SHANK2: variants seen among roughly 807,000 people sequenced by gnomAD.
SHANK2 encodes SH3 and multiple ankyrin repeat domains protein 2.
SHANK2 carries 43 observed loss-of-function variants against 133.7 expected under a neutral mutation model. That is an observed-to-expected ratio of 0.32 (90% CI 0.25 to 0.41). The LOEUF (loss-of-function observed/expected upper bound fraction) is 0.41. Among genes scored for constraint, SHANK2 ranks in the 10% least tolerant of loss-of-function variants. SHANK2 has a pLI of 1.00. For synonymous variants in SHANK2, 1,017 were observed against 952.8 expected (o/e 1.07, Z -1.24); for missense variants, 1,994 against 2,235.8 (o/e 0.89, Z 2.18).
rs7112863 is a variant in SHANK2 at position 70,929,766 on chromosome 11, C to T, written c.1108-33199G>A. Among the ~76,000 whole-genome samples the T allele has an allele frequency of 3.7e-3, 568 of 152,314 alleles. 4 individuals are homozygous for T. Among genetic ancestry groups the T allele is most frequent in the African/African-American group, 0.013 (528 of 41,568 alleles). ...AAGTCCCTTTTGCCATGTAAAGTAACATGTGCACAGGTTTGGGGGATTAGG... is the reference window on the plus strand; with the variant it reads ...AAGTCCCTTTTGCCATGTAAAGTAATATGTGCACAGGTTTGGGGGATTAGG... On this transcript the variant is annotated intron_variant, in intron 10 of 25. Coordinates refer to ENST00000601538, the MANE Select transcript of SHANK2 (RefSeq NM_012309.5).
At chr11:70,630,396 T>G (rs2060968448) in intron 17 of SHANK2, among the ~76,000 whole-genome samples, 1 of 152,096 alleles carries the variant, frequency 6.6e-6, no homozygotes, top group Non-Finnish European at 1.5e-5. Context: ...CAGGAAGAGA[T>G]CTGCGGACAA....
intron 17 of SHANK2, among the ~76,000 whole-genome samples, chr11:70,550,401 G>A (rs1280542185): frequency 2.6e-5 from 4 of 152,174 alleles, no homozygotes; most frequent in Admixed American, 1.3e-4. Flanking sequence ...GTACCCCCAG[G>A]TGGGCTGGGG....
chr11:70,742,594 C>T (rs935307681), intron 14 of SHANK2, among the ~76,000 whole-genome samples: 7 of 152,204 alleles, frequency 4.6e-5, no homozygotes, highest in Non-Finnish European at 5.9e-5. Context: ...ACCCCCCACC[C>T]GGCTCTGCCA....
intron 14 of SHANK2, among the ~76,000 whole-genome samples, chr11:70,768,765 A>G (rs1020546341): frequency 6.6e-6 from 1 of 152,172 alleles, no homozygotes; most frequent in Non-Finnish European, 1.5e-5. Flanking sequence ...GGAGGCGGGC[A>G]GTGGTGGCTG....
At chr11:70,717,061 G>A (rs561870546) in intron 14 of SHANK2, among the ~76,000 whole-genome samples, 2 of 152,316 alleles carry the variant, frequency 1.3e-5, no homozygotes, top group East Asian at 1.9e-4. Flanking sequence ...CCGTTACCAC[G>A]CGGAAGGAGC....
intron 8 of SHANK2, among the ~76,000 whole-genome samples, chr11:71,086,770 C>T (rs1469585216): frequency 6.6e-6 from 1 of 152,192 alleles, no homozygotes; most frequent in East Asian, 1.9e-4. Flanking sequence ...GCAGGCGGCA[C>T]TGTCCGCTGC....
chr11:71,129,408 A>C (rs1403787412), intron 3 of SHANK2, among the ~76,000 whole-genome samples: 1 of 152,220 alleles, frequency 6.6e-6, no homozygotes, highest in Non-Finnish European at 1.5e-5. Flanking sequence ...CTCTTAGTAC[A>C]GTTCATGGTC....
At chr11:70,810,876 G>A (rs1948263736) in intron 12 of SHANK2, among the ~76,000 whole-genome samples, 1 of 152,166 alleles carries the variant, frequency 6.6e-6, no homozygotes. Context: ...CCAGAACACA[G>A]GGCTATGCCG....
At chr11:70,845,197 T>C (rs1191093300) in intron 11 of SHANK2, among the ~76,000 whole-genome samples, 2 of 38,936 alleles carry the variant, frequency 5.1e-5, no homozygotes, top group East Asian at 2.2e-3. Context: ...AGACTCTGTC[T>C]CAAAAAAAAA....
chr11:70,892,355 GT>G (rs111497705), intron 11 of SHANK2, among the ~76,000 whole-genome samples: 13,557 of 152,110 alleles, frequency 0.089, 1,413 homozygotes, highest in African/African-American at 0.25. Flanking sequence ...TCTAACTATG[GT>G]GGGGGGGACT....
chr11:71,210,384 G>T (rs1168371591), intron 2 of SHANK2, among the ~76,000 whole-genome samples: 2 of 150,718 alleles, frequency 1.3e-5, no homozygotes, highest in Non-Finnish European at 3.0e-5. Context: ...GAGTAGCTGG[G>T]ACTACAGAAG....
intron 10 of SHANK2, among the ~76,000 whole-genome samples, chr11:70,923,831 G>A (rs1950387737): frequency 6.6e-6 from 1 of 152,202 alleles, no homozygotes; most frequent in Non-Finnish European, 1.5e-5. Context: ...GGGATGACAG[G>A]CATGAGCCGC....
chr11:71,161,070 A>G (rs533016744), intron 2 of SHANK2, among the ~76,000 whole-genome samples: 1 of 152,254 alleles, frequency 6.6e-6, no homozygotes, highest in Non-Finnish European at 1.5e-5. Context: ...AAGGCATTCC[A>G]AAGTAAAACT....
At chr11:71,235,363 G>A (rs921292626) in intron 1 of SHANK2, among the ~76,000 whole-genome samples, 13 of 152,158 alleles carry the variant, frequency 8.5e-5, no homozygotes, top group South Asian at 2.1e-4. Context: ...GGAGGCCGAG[G>A]CAGGTGGATC....
chr11:71,172,944 C>T (rs1485012663), intron 2 of SHANK2, among the ~76,000 whole-genome samples: 2 of 152,228 alleles, frequency 1.3e-5, no homozygotes, highest in Admixed American at 6.5e-5. Flanking sequence ...AAGACACTCT[C>T]GTGGGCTGCA....
intron 11 of SHANK2, among the ~76,000 whole-genome samples, chr11:70,847,104 C>T (rs1374084725): frequency 1.5e-4 from 23 of 152,188 alleles, no homozygotes; most frequent in African/African-American, 5.1e-4. Flanking sequence ...ACCTCTGCCC[C>T]GGCCCATCAT....
intron 2 of SHANK2, among the ~76,000 whole-genome samples, chr11:71,179,457 T>C (rs4340077): frequency 0.81 from 123,628 of 152,146 alleles, 50,839 homozygotes; most frequent in Admixed American, 0.88. Flanking sequence ...AAGGGAGTCT[T>C]CTCAGCCTGA....
chr11:70,538,101 A>C (rs2059568226), intron 17 of SHANK2, among the ~76,000 whole-genome samples: 1 of 152,084 alleles, frequency 6.6e-6, no homozygotes, highest in African/African-American at 2.4e-5. Context: ...AGCGGTGGAG[A>C]TGAGGGGCAG....
chr11:70,832,171 A>C (rs1198570649), intron 11 of SHANK2, among the ~76,000 whole-genome samples: 2 of 152,120 alleles, frequency 1.3e-5, no homozygotes, highest in Non-Finnish European at 2.9e-5. Flanking sequence ...TTCACAGGAG[A>C]GTCATAAGGA....
Sources: allele counts gnomAD v4.1 joint callset (sites outside exome capture counted in the v4.1 genomes callset), GRCh38; gene constraint gnomAD v4.1.1; transcripts MANE v1.5; gene names NCBI Gene and HGNC (gene_info 2026-07-23, HGNC 2026-07-21).